MYT1L: variants seen among roughly 807,000 people sequenced by gnomAD.
MYT1L encodes the protein myelin transcription factor 1 like, also known as myelin transcription factor 1-like protein.
MYT1L carries 12 observed loss-of-function variants against 126.7 expected under a neutral mutation model. The ratio of observed to expected loss-of-function variants is 0.09; its 90% confidence interval spans 0.06 to 0.15. The LOEUF is 0.15. Ranked by LOEUF, MYT1L falls within the 10% of genes least tolerant of loss-of-function variation. The pLI, the probability that MYT1L is intolerant of heterozygous loss-of-function variation, is 1.00. For missense variants in MYT1L, 979 were observed against 1,585.2 expected (o/e 0.62, Z 6.49); for synonymous variants, 541 against 604.2 (o/e 0.90, Z 1.53).
chr2:1,942,523 G>T (rs893529345), intron 9 of MYT1L, among the ~76,000 whole-genome samples: 3 of 152,198 alleles, frequency 2.0e-5, no homozygotes, highest in African/African-American at 7.2e-5. Context: ...AACCCACTTT[G>T]CTGGTTGATG....
chr2:2,217,334 G>T (rs1175154939), intron 2 of MYT1L, among the ~76,000 whole-genome samples: 1 of 152,106 alleles, frequency 6.6e-6, no homozygotes, highest in Non-Finnish European at 1.5e-5. Flanking sequence ...CTTAATCAAG[G>T]TTAATTTAGA....
chr2:2,274,397 G>A (rs564045410), intron 2 of MYT1L, among the ~76,000 whole-genome samples: 77 of 152,102 alleles, frequency 5.1e-4, no homozygotes, highest in African/African-American at 1.9e-3. Flanking sequence ...GTGGGCAGGT[G>A]GGTTAATGCA....
At chr2:2,276,042 G>T (rs1468443653) in intron 2 of MYT1L, among the ~76,000 whole-genome samples, 5 of 152,058 alleles carry the variant, frequency 3.3e-5, no homozygotes, top group African/African-American at 1.2e-4. Flanking sequence ...TTATTCATCT[G>T]TTGTGTTTCT....
chr2:1,956,507 T>TTCTTTCTATCTA lies in MYT1L; in HGVS notation c.153-13174_153-13173insTAGATAGAAAGA, dbSNP rs545208792. Among the ~76,000 whole-genome samples the TTCTTTCTATCTA allele has an allele frequency of 3.4e-4, 38 of 111,870 alleles. 2 individuals are homozygous for TTCTTTCTATCTA. Among genetic ancestry groups the TTCTTTCTATCTA allele is most frequent in the Middle Eastern group, 6.3e-3 (1 of 158 alleles). 73.4% of individuals were successfully genotyped at this position (111,870 alleles called of 152,430 possible). The stretch of plus-strand genomic sequence containing the variant: ...TATGTGTCCTATTCTATATTTCCTA[T>TTCTTTCTATCTA]TCTATCTATCTATCTATCTATCTAT... On this transcript the variant is annotated intron_variant, in intron 8 of 24. Transcript: ENST00000647738.
intron 3 of MYT1L, among the ~76,000 whole-genome samples, chr2:2,065,654 A>T (rs1374288932): frequency 6.6e-6 from 1 of 152,256 alleles, no homozygotes; most frequent in Non-Finnish European, 1.5e-5. Flanking sequence ...CTTCCTTGCA[A>T]TGAGTTCGCA....
intron 5 of MYT1L, among the ~76,000 whole-genome samples, chr2:1,993,287 G>A (rs992741480): frequency 3.9e-5 from 6 of 152,182 alleles, no homozygotes; most frequent in African/African-American, 1.4e-4. Context: ...CAGGCACACA[G>A]GGGTCCGCCA....
At chr2:2,038,615 T>G (rs948325233) in intron 4 of MYT1L, among the ~76,000 whole-genome samples, 1 of 152,160 alleles carries the variant, frequency 6.6e-6, no homozygotes, top group African/African-American at 2.4e-5. Flanking sequence ...TCAAATCGAT[T>G]TTTTATGTGT....
At chr2:1,914,789 C>G (rs1023420584) in intron 11 of MYT1L, among the ~76,000 whole-genome samples, 3 of 152,238 alleles carry the variant, frequency 2.0e-5, no homozygotes, top group Non-Finnish European at 4.4e-5. Context: ...AGCCTGCCCG[C>G]CTATCTCTGG....
chr2:1,809,417 C>CA (rs758110429), intron 21 of MYT1L, among the ~76,000 whole-genome samples: 2 of 113,052 alleles, frequency 1.8e-5, no homozygotes, highest in African/African-American at 3.0e-5. Flanking sequence ...TGCCTCTTGG[C>CA]GGGGGGTCTT....
chr2:2,329,305 G>A (rs1375619287), intron 1 of MYT1L, among the ~76,000 whole-genome samples: 1 of 151,658 alleles, frequency 6.6e-6, no homozygotes, highest in Admixed American at 6.6e-5. Flanking sequence ...ACTTTTTGTG[G>A]GTGGGGGTGG....
At chr2:2,293,907 C>G (rs1018540321) in intron 1 of MYT1L, among the ~76,000 whole-genome samples, 1 of 152,162 alleles carries the variant, frequency 6.6e-6, no homozygotes, top group Non-Finnish European at 1.5e-5. Context: ...GTGCTTGGCG[C>G]GCCTCTGAGG....
At chr2:1,931,809 T>C (rs1167264566) in intron 9 of MYT1L, among the ~76,000 whole-genome samples, 2 of 152,098 alleles carry the variant, frequency 1.3e-5, no homozygotes, top group African/African-American at 4.8e-5. Context: ...GTCTTTTGCT[T>C]TCTGTCTCTG....
chr2:1,967,950 C>T (rs902585646), intron 8 of MYT1L, among the ~76,000 whole-genome samples: 1 of 152,132 alleles, frequency 6.6e-6, no homozygotes, highest in Non-Finnish European at 1.5e-5. Flanking sequence ...GGAGCTTCCT[C>T]GGGCCCCTGC....
Position 1,905,439 on chromosome 2 carries a change from C to G in MYT1L, c.1818-2145G>C, listed in dbSNP as rs745545123. On this transcript the variant is annotated intron_variant, in intron 13 of 24. Coordinates refer to ENST00000647738, the MANE Select transcript of MYT1L (RefSeq NM_001303052.2). ...CATGGTCTCGGCTCAATGCAACCTC[C>G]ACCTCCAGGGTTCAAGTGATTCTCC... Among the ~76,000 whole-genome samples, 38 of 151,802 alleles carry G rather than the reference C, an allele frequency of 2.5e-4. 1 individual carries two copies. Among genetic ancestry groups the G allele is most frequent in the South Asian group, 4.2e-4 (2 of 4,802 alleles).
chr2:2,017,497 C>T (rs749102394), intron 4 of MYT1L, among the ~76,000 whole-genome samples: 8 of 152,266 alleles, frequency 5.3e-5, no homozygotes, highest in African/African-American at 1.4e-4. Context: ...CTTCATACTG[C>T]GAAGGTCACA....
intron 21 of MYT1L, among the ~76,000 whole-genome samples, chr2:1,831,760 C>T (rs1258573910): frequency 6.6e-6 from 1 of 152,184 alleles, no homozygotes; most frequent in Non-Finnish European, 1.5e-5. Context: ...CTAATGCCAC[C>T]ATGCAACTCT....
At chr2:2,042,050 G>T (rs1466648277) in intron 4 of MYT1L, among the ~76,000 whole-genome samples, 1 of 152,142 alleles carries the variant, frequency 6.6e-6, no homozygotes, top group African/African-American at 2.4e-5. Context: ...CCTGCTTCTT[G>T]TAAGTCTGTT....
chr2:1,894,428 G>A (rs980054042), intron 14 of MYT1L, among the ~76,000 whole-genome samples: 3 of 152,202 alleles, frequency 2.0e-5, no homozygotes, highest in South Asian at 2.1e-4. Flanking sequence ...CTAAGCAACC[G>A]TCACAAACCA....
intron 1 of MYT1L, among the ~76,000 whole-genome samples, chr2:2,317,372 T>C (rs2096083858): frequency 6.6e-6 from 1 of 152,144 alleles, no homozygotes; most frequent in Admixed American, 6.5e-5. Context: ...TTGCTGTCCA[T>C]GTGAAGATGC....
Sources: allele counts gnomAD v4.1 joint callset (sites outside exome capture counted in the v4.1 genomes callset), GRCh38; gene constraint gnomAD v4.1.1; transcripts MANE v1.5; gene names NCBI Gene and HGNC (gene_info 2026-07-23, HGNC 2026-07-21).